The following BACH2 variants were observed in gnomAD, a reference collection of about 807,000 sequenced individuals.
BACH2 encodes transcription regulator protein BACH2.
In BACH2, 5 loss-of-function variants were observed where a neutral mutation model predicts 61.8. The ratio of observed to expected loss-of-function variants is 0.08; its 90% CI spans 0.04 to 0.17. The LOEUF is 0.17. Ranked by LOEUF, BACH2 falls within the 10% of genes least tolerant of loss-of-function variation. The pLI is 1.00. For synonymous variants in BACH2, 446 were observed against 440.1 expected (o/e 1.01, Z -0.17); for missense variants, 824 against 1,091.1 (o/e 0.76, Z 3.45).
chr6:90,207,851 A>G (rs2127850050), intron 3 of BACH2, among the ~76,000 whole-genome samples: 1 of 152,336 alleles, frequency 6.6e-6, no homozygotes, highest in Admixed American at 6.5e-5. Context: ...GGAGAATTCC[A>G]AAGCTGTATT....
chr6:89,998,586 G>A lies in BACH2; in HGVS notation c.243+10016C>T, dbSNP rs76032868. Among the ~76,000 whole-genome samples the A allele has an allele frequency of 3.0e-3, 456 of 152,176 alleles. 15 individuals carry two copies. The East Asian group carries it at 0.08, about 27-fold the overall frequency. On this transcript the variant is annotated intron_variant, in intron 6 of 8. Transcript: ENST00000257749. ...CAATTCTTTTCTAGCCTGCAATTTGGTTCAGAACCCAAACAAACAAGAAAA... is the reference window on the plus strand; with the variant it reads ...CAATTCTTTTCTAGCCTGCAATTTGATTCAGAACCCAAACAAACAAGAAAA...
chr6:90,101,586 T>C lies in BACH2; in HGVS notation c.-161-12477A>G, dbSNP rs141795557. Among the ~76,000 whole-genome samples the C allele has an allele frequency of 3.5e-3, 538 of 152,314 alleles. 2 individuals are homozygous for C. Among genetic ancestry groups the C allele is most frequent in the Non-Finnish European group, 6.3e-3 (427 of 68,018 alleles). On this transcript the variant is annotated intron_variant, in intron 4 of 8. Transcript: ENST00000257749. ...AGACTACACTATCTTATAGGATGTT[T>C]TGAAAAAAGGAAGTGTGAGTCCTCC...
intron 4 of BACH2, among the ~76,000 whole-genome samples, chr6:90,103,605 C>T (rs557066075): frequency 6.6e-5 from 10 of 152,284 alleles, no homozygotes; most frequent in South Asian, 2.1e-4. Context: ...TAATAATTGA[C>T]GGCACTTTGA....
At chr6:90,009,213 T>A (rs1363520934) in intron 5 of BACH2, among the ~76,000 whole-genome samples, 1 of 152,246 alleles carries the variant, frequency 6.6e-6, no homozygotes, top group Admixed American at 6.5e-5. Context: ...GAAAAAGAAA[T>A]TTCACATGTA....
At chr6:90,173,134 A>C (rs563296554) in intron 4 of BACH2, among the ~76,000 whole-genome samples, 1 of 152,054 alleles carries the variant, frequency 6.6e-6, no homozygotes, top group Non-Finnish European at 1.5e-5. Context: ...AAAAAACAAA[A>C]GCAAAATCCA....
rs1353485296 is a variant in BACH2 at position 90,008,515 on chromosome 6, C to T, written c.243+87G>A. On this transcript the variant is annotated intron_variant, in intron 6 of 8. Coordinates refer to ENST00000257749, the MANE Select transcript of BACH2 (RefSeq NM_021813.4). This position sits in a 1 kb window ranked among gnomAD's most constrained non-coding sequence, Gnocchi z 4.1. ...TCAACTCCTGAGTGGGGACATGGCA[C>T]CTAGTACATCTTCTAGCTCCTAGTC... 8.4e-6 allele frequency: 13 copies of T among 1,543,078 alleles called. No individual in the cohort carries two copies. In the Admixed American group the frequency reaches 2.2e-4, roughly 26 times the overall value.
rs1265099818 is a variant in BACH2, at chr6:89,951,663, G to A, written c.443C>T (p.Ala148Val). ...DGLFVCRKDA[A>V]CQRPHEDCEN... ...GCAGTCCTCGTGTGGGCGCTGGCAC[G>A]CAGCATCCTTCCGGCACACAAACAG... The change falls in exon 7 of 9, where the codon GCG (alanine) becomes GTG (valine). Residue 148 changes from alanine (A) to valine (V), a missense_variant. Transcript: ENST00000257749. This position sits in a 1 kb window ranked among gnomAD's most constrained non-coding sequence, Gnocchi z 6.4. 9 of 1,614,094 alleles carry A rather than the reference G, an allele frequency of 5.6e-6. No homozygotes were observed. Among genetic ancestry groups the A allele is most frequent in the East Asian group, 2.2e-5 (1 of 44,892 alleles).
intron 2 of BACH2, among the ~76,000 whole-genome samples, chr6:90,271,076 CAAGAT>C (rs774162517): frequency 1.3e-5 from 2 of 152,106 alleles, no homozygotes; most frequent in Non-Finnish European, 2.9e-5. Flanking sequence ...AAAATCAACT[CAAGAT>C]GAATCAAAGA....
At chr6:90,026,295 G>A (rs1388060009) in intron 5 of BACH2, among the ~76,000 whole-genome samples, 1 of 152,122 alleles carries the variant, frequency 6.6e-6, no homozygotes, top group African/African-American at 2.4e-5. Context: ...GGAAAGAGGA[G>A]AACGCTATCA....
intron 3 of BACH2, among the ~76,000 whole-genome samples, chr6:90,246,109 C>T (rs911210053): frequency 6.6e-6 from 1 of 152,126 alleles, no homozygotes; most frequent in Non-Finnish European, 1.5e-5. Context: ...TTCACTCAAC[C>T]CAGATTGGTG....
intron 4 of BACH2, among the ~76,000 whole-genome samples, chr6:90,201,044 A>G (rs144896058): frequency 1.7e-3 from 262 of 152,318 alleles, no homozygotes; most frequent in African/African-American, 5.3e-3. Context: ...CAATTTATTT[A>G]GAACATCTTT....
At chr6:90,003,539 G>T (rs1365485285) in intron 6 of BACH2, among the ~76,000 whole-genome samples, 4 of 152,088 alleles carry the variant, frequency 2.6e-5, no homozygotes, top group African/African-American at 9.7e-5. Context: ...ACTGGAATGT[G>T]AGCTAGGTTC....
intron 5 of BACH2, among the ~76,000 whole-genome samples, chr6:90,029,195 C>T (rs193054825): frequency 1.6e-4 from 25 of 152,296 alleles, no homozygotes; most frequent in East Asian, 3.9e-4. Flanking sequence ...GCAGGTTCAG[C>T]GATCTGCATT....
intron 5 of BACH2, among the ~76,000 whole-genome samples, chr6:90,066,406 A>G (rs1199351685): frequency 6.6e-6 from 1 of 152,102 alleles, no homozygotes; most frequent in African/African-American, 2.4e-5. Context: ...ACTTTCAGGG[A>G]TTTGAAGCTA....
intron 4 of BACH2, among the ~76,000 whole-genome samples, chr6:90,120,654 T>C (rs574737729): frequency 4.6e-5 from 7 of 152,212 alleles, no homozygotes; most frequent in Non-Finnish European, 1.0e-4. Context: ...TTTTTACTGA[T>C]GAATTTTTGG....
At chr6:90,158,976 C>T (rs969028567) in intron 4 of BACH2, among the ~76,000 whole-genome samples, 2 of 152,156 alleles carry the variant, frequency 1.3e-5, no homozygotes, top group East Asian at 1.9e-4. Context: ...TATAAATGGT[C>T]GAATTAACCA....
intron 4 of BACH2, among the ~76,000 whole-genome samples, chr6:90,157,651 A>G (rs1785039436): frequency 6.6e-6 from 1 of 152,146 alleles, no homozygotes; most frequent in South Asian, 2.1e-4. Flanking sequence ...ATCTAACAAC[A>G]AATTCACCCA....
intron 5 of BACH2, among the ~76,000 whole-genome samples, chr6:90,080,467 A>G (rs752604733): frequency 2.0e-5 from 3 of 152,156 alleles, no homozygotes; most frequent in Non-Finnish European, 4.4e-5. Flanking sequence ...ATTTAGAGAT[A>G]ACCATCTTGA....
At chr6:90,041,505 C>T (rs1582251263) in intron 5 of BACH2, among the ~76,000 whole-genome samples, 1 of 151,964 alleles carries the variant, frequency 6.6e-6, no homozygotes, top group Non-Finnish European at 1.5e-5. Context: ...GAATGAACCT[C>T]ATTTGGTTAT....
Sources: allele counts gnomAD v4.1 joint callset (sites outside exome capture counted in the v4.1 genomes callset), GRCh38; gene constraint gnomAD v4.1.1; non-coding constraint Gnocchi (gnomAD v3.1); transcripts MANE v1.5; gene names NCBI Gene and HGNC (gene_info 2026-07-23, HGNC 2026-07-21).